The following TP73 variants were observed in gnomAD, a reference collection of about 807,000 sequenced individuals.
TP73 encodes tumor protein p73.
A neutral mutation model predicts 62.5 loss-of-function variants in TP73; 25 were observed. The observed-to-expected ratio is 0.40, with a 90% CI of 0.29 to 0.56. TP73 has a LOEUF of 0.56. Among genes scored for constraint, TP73 ranks in the 20% least tolerant of loss-of-function variants. The pLI is 0.46. For synonymous variants in TP73, 423 were observed against 377.5 expected (o/e 1.12, Z -1.40); for missense variants, 754 against 913.3 (o/e 0.83, Z 2.25).
chr1:3,726,524 G>C (rs1444953085), intron 6 of TP73, among the ~76,000 whole-genome samples: 1 of 149,018 alleles, frequency 6.7e-6, no homozygotes, highest in Non-Finnish European at 1.5e-5. Context: ...TGAATGGATG[G>C]ATGGATATTG....
At chr1:3,714,835 C>A (rs1448969045) in intron 4 of TP73, among the ~76,000 whole-genome samples, 5 of 152,232 alleles carry the variant, frequency 3.3e-5, no homozygotes, top group African/African-American at 2.4e-5. Context: ...CACTGCCCTG[C>A]CACCCCCTCT....
At chr1:3,702,579 G>A (rs531221775) in intron 3 of TP73, among the ~76,000 whole-genome samples, 11 of 152,332 alleles carry the variant, frequency 7.2e-5, no homozygotes, top group Non-Finnish European at 1.3e-4. Flanking sequence ...CTGGGTGGGT[G>A]CGTGGGGGCT....
intron 1 of TP73, among the ~76,000 whole-genome samples, chr1:3,679,937 C>T (rs935085723): frequency 6.6e-6 from 1 of 151,520 alleles, no homozygotes. Flanking sequence ...CTTTCCCTGT[C>T]TCTTTCTGTC....
intron 1 of TP73, among the ~76,000 whole-genome samples, chr1:3,661,602 G>A (rs746452849): frequency 3.3e-5 from 5 of 151,444 alleles, no homozygotes; most frequent in East Asian, 1.9e-4. Flanking sequence ...TCAGCTACTC[G>A]GGAAGCTGAG....
At chr1:3,679,638 GTC>G (rs1170311607) in intron 1 of TP73, among the ~76,000 whole-genome samples, 1 of 146,212 alleles carries the variant, frequency 6.8e-6, no homozygotes, top group East Asian at 2.1e-4. Context: ...CTGTCTCTCT[GTC>G]TCTGTCTCTC....
At chr1:3,686,519 C>T (rs538894711) in intron 3 of TP73, among the ~76,000 whole-genome samples, 14 of 152,268 alleles carry the variant, frequency 9.2e-5, no homozygotes, top group Admixed American at 3.9e-4. Flanking sequence ...CCGTGGGCCT[C>T]GGACAACCCT....
At chr1:3,667,094 T>G (rs968785596) in intron 1 of TP73, among the ~76,000 whole-genome samples, 5 of 152,058 alleles carry the variant, frequency 3.3e-5, no homozygotes, top group Non-Finnish European at 5.9e-5. Context: ...ATTTCAGAGA[T>G]GGAGGAAAGT....
intron 3 of TP73, among the ~76,000 whole-genome samples, chr1:3,702,216 C>G (rs1177859489): frequency 1.3e-5 from 2 of 152,152 alleles, no homozygotes; most frequent in South Asian, 2.1e-4. Context: ...TGGCCTCCCC[C>G]ACACTGCTCC....
chr1:3,667,754 A>G (rs539535580), intron 1 of TP73, among the ~76,000 whole-genome samples: 1 of 152,084 alleles, frequency 6.6e-6, no homozygotes, highest in South Asian at 2.1e-4. Context: ...TGTCTCAAAA[A>G]AAAAAAAAAA....
chr1:3,664,625 C>G (rs938900094), intron 1 of TP73, among the ~76,000 whole-genome samples: 1 of 152,224 alleles, frequency 6.6e-6, no homozygotes, highest in Non-Finnish European at 1.5e-5. Context: ...CCGGGTCCAC[C>G]TGGGTGGTGC....
chr1:3,730,723 G>A (rs560795986), intron 11 of TP73, among the ~76,000 whole-genome samples: 21 of 152,284 alleles, frequency 1.4e-4, no homozygotes, highest in African/African-American at 4.3e-4. Context: ...GGTCACCCCC[G>A]TCCCTACTAG....
rs767656975 is a variant in TP73, at chr1:3,731,573, C to A, written c.1578+17C>A. 6.2e-7 allele frequency: 1 copy of A among 1,611,440 alleles called. No individual in the cohort carries two copies. Among genetic ancestry groups the A allele is most frequent in the Non-Finnish European group, 8.5e-7 (1 of 1,178,146 alleles). On this transcript the variant is annotated intron_variant, in intron 13 of 13. Transcript: ENST00000378295. ...ACCATTGAGGTAACGCCCGGGTGGA[C>A]CCCGCTCTGCAGAGGCAGTAGCTGG...
chr1:3,699,736 G>C lies in TP73; in HGVS notation c.187-7813G>C, dbSNP rs1341428063. On this transcript the variant is annotated intron_variant, in intron 3 of 13. Coordinates refer to ENST00000378295, the MANE Select transcript of TP73 (RefSeq NM_005427.4). This position sits in a 1 kb window ranked among gnomAD's most constrained non-coding sequence, Gnocchi z 4.1. ...TGCCGGGCGGGGAGCAGGGATGCTC[G>C]GGCGGGGGCAGGAGCTGGAGAGGTG... 6.6e-6 allele frequency among the ~76,000 whole-genome samples: 1 copy of C among 152,214 alleles called. No individual in the cohort carries two copies. Among genetic ancestry groups the C allele is most frequent in the Non-Finnish European group, 1.5e-5 (1 of 68,040 alleles).
At chr1:3,729,905 A>C (rs894459816) in intron 10 of TP73, 95 bp from the exon 11 acceptor site, 1 of 1,439,682 alleles carries the variant, frequency 6.9e-7, no homozygotes, top group Non-Finnish European at 9.3e-7. Context: ...CAGAGGCTCC[A>C]CCCATTCGCA....
chr1:3,731,297 G>A (rs1642119972), intron 12 of TP73, among the ~76,000 whole-genome samples, 166 bp from the exon 13 acceptor site: 1 of 152,216 alleles, frequency 6.6e-6, no homozygotes. Flanking sequence ...GTCCCCAGCT[G>A]AGCACGTCCC....
intron 6 of TP73, among the ~76,000 whole-genome samples, chr1:3,724,278 A>C (rs953245176): frequency 6.6e-6 from 1 of 152,030 alleles, no homozygotes; most frequent in African/African-American, 2.4e-5. Flanking sequence ...AGGGGAAGGC[A>C]GGCAATGGCA....
At chr1:3,707,398 G>T in intron 3 of TP73, 151 bp from the exon 4 acceptor site, 1 of 1,085,510 alleles carries the variant, frequency 9.2e-7, no homozygotes, top group Non-Finnish European at 1.3e-6. Flanking sequence ...GCAAGTAGTG[G>T]CCTGTTGGGA....
chr1:3,698,976 A>G (rs572827754), intron 3 of TP73, among the ~76,000 whole-genome samples: 2 of 152,062 alleles, frequency 1.3e-5, no homozygotes, highest in East Asian at 3.9e-4. Flanking sequence ...GAGGTGTGGA[A>G]AGTTCCACAT....
intron 3 of TP73, among the ~76,000 whole-genome samples, chr1:3,705,258 G>T (rs1639529638): frequency 6.6e-6 from 1 of 152,232 alleles, no homozygotes; most frequent in South Asian, 2.1e-4. Context: ...TCTGTCTTAT[G>T]GCCGAGGAAG....
Sources: gnomAD v4.1 joint callset for allele counts (sites outside exome capture counted in the v4.1 genomes callset) on GRCh38, gnomAD v4.1.1 for gene constraint, Gnocchi (gnomAD v3.1) non-coding constraint, MANE v1.5 for transcripts, NCBI Gene and HGNC (gene_info 2026-07-23, HGNC 2026-07-21) for gene names.